Variants in DPP6 observed in about 807,000 individuals in gnomAD.
DPP6 encodes the protein A-type potassium channel modulatory protein DPP6.
DPP6 carries 69 observed loss-of-function variants against 122.6 expected under a neutral mutation model. The ratio of observed to expected loss-of-function variants is 0.56; its 90% confidence interval spans 0.46 to 0.69. The LOEUF (loss-of-function observed/expected upper bound fraction) is 0.69. DPP6 is among the 30% of genes least tolerant of loss of function. The pLI, the probability that DPP6 is intolerant of heterozygous loss-of-function variation, is 0.00. For synonymous variants in DPP6, 418 were observed against 433.1 expected (o/e 0.97, Z 0.43); for missense variants, 928 against 1,116.9 (o/e 0.83, Z 2.41).
intron 3 of DPP6, among the ~76,000 whole-genome samples, chr7:154,517,664 T>C (rs1298114527): frequency 6.6e-6 from 1 of 152,150 alleles, no homozygotes; most frequent in African/African-American, 2.4e-5. Flanking sequence ...ATTTACTTTG[T>C]AATTCTGTGG....
chr7:153,983,083 G>A (rs1470681195), intron 1 of DPP6, among the ~76,000 whole-genome samples: 5 of 152,240 alleles, frequency 3.3e-5, no homozygotes, highest in Non-Finnish European at 7.3e-5. Flanking sequence ...TGTGCTGGGA[G>A]ATCCACTGCT....
At chr7:154,879,588 C>CAAA (rs778157355) in intron 20 of DPP6, among the ~76,000 whole-genome samples, 119 of 41,416 alleles carry the variant, frequency 2.9e-3, no homozygotes, top group African/African-American at 5.9e-3. Context: ...GACTCCGTCT[C>CAAA]AAAAAAAAAA....
intron 6 of DPP6, among the ~76,000 whole-genome samples, chr7:154,657,934 A>G (rs1837378335): frequency 6.6e-6 from 1 of 152,240 alleles, no homozygotes; most frequent in African/African-American, 2.4e-5. Context: ...CGCCAACCTG[A>G]AAGGCTACAC....
intron 5 of DPP6, among the ~76,000 whole-genome samples, chr7:154,633,880 G>A (rs1835556300): frequency 6.6e-6 from 1 of 152,098 alleles, no homozygotes; most frequent in Non-Finnish European, 1.5e-5. Flanking sequence ...CCACGCTGAA[G>A]CCTTCTATTT....
intron 1 of DPP6, among the ~76,000 whole-genome samples, chr7:154,248,577 T>C (rs1419564362): frequency 6.6e-6 from 1 of 152,164 alleles, no homozygotes; most frequent in Non-Finnish European, 1.5e-5. Flanking sequence ...CAAAAGTCAT[T>C]GAATTAGGCT....
At position 153,988,291 on chromosome 7, in the gene DPP6, G is replaced by A. The variant is rs1013531175; in HGVS notation, c.51+100557G>A. Among the ~76,000 whole-genome samples, 14 of 152,180 alleles carry A rather than the reference G, an allele frequency of 9.2e-5. No individual in the cohort carries two copies. The East Asian group carries it at 1.9e-3, about 21-fold the overall frequency. On this transcript the variant is annotated intron_variant, in intron 1 of 25. Transcript: ENST00000404039. ...GGAGTGGACCAGTCCGCGGAGCTCC[G>A]GGGGTCTGAATGCTCCAGGGGTGTG...
chr7:154,303,782 G>A (rs1232208525), intron 1 of DPP6, among the ~76,000 whole-genome samples: 1 of 152,066 alleles, frequency 6.6e-6, no homozygotes, highest in Non-Finnish European at 1.5e-5. Flanking sequence ...TGCCAAATAC[G>A]TACTCAGACC....
intron 1 of DPP6, among the ~76,000 whole-genome samples, chr7:153,957,300 C>T (rs1270322385): frequency 2.6e-5 from 4 of 151,782 alleles, no homozygotes; most frequent in African/African-American, 4.8e-5. Context: ...TCCGAACCCT[C>T]CCCGCTCACT....
chr7:153,863,829 C>T, the DPP6 span, among the ~76,000 whole-genome samples: 55 of 152,268 alleles, frequency 3.6e-4, no homozygotes, highest in African/African-American at 1.1e-3. Context: ...TCATGAACTA[C>T]GTGGTCTTTC....
intron 5 of DPP6, among the ~76,000 whole-genome samples, chr7:154,597,959 C>A (rs531045126): frequency 6.6e-6 from 1 of 152,238 alleles, no homozygotes; most frequent in South Asian, 2.1e-4. Flanking sequence ...GGATAAGGAT[C>A]TTTTTTAATG....
At chr7:154,354,415 G>A (rs1811111810) in intron 1 of DPP6, among the ~76,000 whole-genome samples, 2 of 152,164 alleles carry the variant, frequency 1.3e-5, no homozygotes, top group African/African-American at 4.8e-5. Context: ...TAGGGACTGG[G>A]ACAGACACTC....
chr7:153,859,537 C>T, the DPP6 span, among the ~76,000 whole-genome samples: 4 of 152,240 alleles, frequency 2.6e-5, no homozygotes, highest in Admixed American at 2.6e-4. Context: ...TCTAAGACAA[C>T]CAAGGGGCAT....
the DPP6 span, among the ~76,000 whole-genome samples, chr7:153,870,880 C>T: frequency 0.06 from 9,088 of 152,272 alleles, 442 homozygotes; most frequent in East Asian, 0.22. Context: ...ACAGGACCCT[C>T]AGCTGCAGGT....
intron 1 of DPP6, among the ~76,000 whole-genome samples, chr7:154,209,999 T>A (rs573943732): frequency 2.6e-5 from 4 of 152,300 alleles, no homozygotes; most frequent in Admixed American, 6.5e-5. Flanking sequence ...AAGTGCTGCC[T>A]GGAAACACCT....
chr7:154,534,263 A>C (rs1212666971), intron 3 of DPP6, among the ~76,000 whole-genome samples: 1 of 152,152 alleles, frequency 6.6e-6, no homozygotes, highest in Admixed American at 6.6e-5. Flanking sequence ...ATGAAAAAAA[A>C]ATTACACCTA....
At chr7:154,412,824 G>T (rs1042796456) in intron 1 of DPP6, among the ~76,000 whole-genome samples, 1 of 152,218 alleles carries the variant, frequency 6.6e-6, no homozygotes, top group Non-Finnish European at 1.5e-5. Flanking sequence ...ACTGTGGCAG[G>T]TGAGTGCTTG....
chr7:153,964,388 G>C (rs561199920), intron 1 of DPP6, among the ~76,000 whole-genome samples: 1 of 152,096 alleles, frequency 6.6e-6, no homozygotes, highest in African/African-American at 2.4e-5. Context: ...TTCATCTCTT[G>C]TTGGCGTTTC....
chr7:153,918,427 AACACACACACACAC>A (rs5888535), intron 1 of DPP6, among the ~76,000 whole-genome samples: 34 of 110,834 alleles, frequency 3.1e-4, no homozygotes, highest in African/African-American at 3.7e-4. Context: ...AGTTAATTAA[AACACACACACACAC>A]ACACACACAC....
chr7:154,879,756 G>A (rs1321485778), intron 20 of DPP6, among the ~76,000 whole-genome samples: 3 of 152,152 alleles, frequency 2.0e-5, no homozygotes, highest in African/African-American at 7.2e-5. Flanking sequence ...ATCTCAAAAA[G>A]AAAACCGTAA....
Sources: gnomAD v4.1 joint callset for allele counts (sites outside exome capture counted in the v4.1 genomes callset) on GRCh38, gnomAD v4.1.1 for gene constraint, MANE v1.5 for transcripts, NCBI Gene and HGNC (gene_info 2026-07-23, HGNC 2026-07-21) for gene names.